The following ELF1 variants were observed in gnomAD, a reference collection of about 807,000 sequenced individuals.
The protein encoded by ELF1 is E74 like ETS transcription factor 1.
In ELF1, 24 loss-of-function variants were observed where a neutral mutation model predicts 59.9. That is an observed-to-expected ratio of 0.40 (90% confidence interval 0.29 to 0.56). The LOEUF (loss-of-function observed/expected upper bound fraction) is 0.56. Among genes scored for constraint, ELF1 ranks in the 20% least tolerant of loss-of-function variants. The pLI, the probability that ELF1 is intolerant of heterozygous loss-of-function variation, is 0.44. For missense variants in ELF1, 627 were observed against 742.2 expected (o/e 0.84, Z 1.80); for synonymous variants, 248 against 266.2 (o/e 0.93, Z 0.67).
At chr13:40,979,136 T>G (rs1239664644) in intron 2 of ELF1, among the ~76,000 whole-genome samples, 2 of 151,970 alleles carry the variant, frequency 1.3e-5, no homozygotes, top group Non-Finnish European at 2.9e-5. Context: ...AAAGAATATT[T>G]GTATTTATAT....
At chr13:41,057,055 C>T (rs1877311014) in intron 1 of ELF1, among the ~76,000 whole-genome samples, 1 of 151,866 alleles carries the variant, frequency 6.6e-6, no homozygotes, top group African/African-American at 2.4e-5. Context: ...ATAAGGTCTT[C>T]GGATTTTAGC....
intron 2 of ELF1, among the ~76,000 whole-genome samples, chr13:40,981,329 T>G (rs928868548): frequency 6.6e-6 from 1 of 152,042 alleles, no homozygotes; most frequent in Non-Finnish European, 1.5e-5. Flanking sequence ...TTCCAGTTCT[T>G]TTGTGTGTGT....
chr13:40,971,137 T>C (rs772170127), intron 2 of ELF1, among the ~76,000 whole-genome samples: 1 of 152,236 alleles, frequency 6.6e-6, no homozygotes, highest in Non-Finnish European at 1.5e-5. Context: ...AATTTATTAC[T>C]AAGTCATAAT....
At chr13:40,981,685 A>G (rs919660673) in intron 2 of ELF1, among the ~76,000 whole-genome samples, 13 of 152,146 alleles carry the variant, frequency 8.5e-5, no homozygotes, top group Non-Finnish European at 1.0e-4. Context: ...GAACTTTTCA[A>G]AGTACTTAAA....
intron 1 of ELF1, among the ~76,000 whole-genome samples, chr13:40,994,549 A>T (rs547286858): frequency 5.3e-5 from 8 of 152,260 alleles, no homozygotes; most frequent in African/African-American, 1.9e-4. Flanking sequence ...AGGCCGAGGC[A>T]CGAGAATCAC....
intron 1 of ELF1, among the ~76,000 whole-genome samples, chr13:41,040,815 A>G (rs555326877): frequency 1.3e-5 from 2 of 152,282 alleles, no homozygotes; most frequent in South Asian, 2.1e-4. Context: ...CAAAGAGTTA[A>G]CAGTACTTAC....
At chr13:41,000,212 C>T (rs2138331241) in intron 1 of ELF1, among the ~76,000 whole-genome samples, 1 of 143,774 alleles carries the variant, frequency 7.0e-6, no homozygotes, top group South Asian at 2.2e-4. Context: ...AATTAGTTGA[C>T]CAAATGAGGC....
chr13:40,993,292 G>A, intron 1 of ELF1: 1 of 1,560,890 alleles, frequency 6.4e-7, no homozygotes, highest in Non-Finnish European at 8.8e-7. Flanking sequence ...TTGAGACACA[G>A]CAGGTGTTCC....
intron 2 of ELF1, among the ~76,000 whole-genome samples, chr13:40,965,676 A>G (rs1481739097): frequency 1.3e-5 from 2 of 152,174 alleles, no homozygotes; most frequent in Non-Finnish European, 2.9e-5. Flanking sequence ...CTTAACAAAA[A>G]CATTACATTC....
At chr13:41,058,564 T>G (rs1877371338) in intron 1 of ELF1, among the ~76,000 whole-genome samples, 1 of 152,242 alleles carries the variant, frequency 6.6e-6, no homozygotes, top group Non-Finnish European at 1.5e-5. Flanking sequence ...TGCAACTACT[T>G]CCTTTGTGTT....
At chr13:41,035,825 C>T (rs917266380) in intron 1 of ELF1, among the ~76,000 whole-genome samples, 16 of 148,868 alleles carry the variant, frequency 1.1e-4, no homozygotes, top group African/African-American at 4.0e-4. Flanking sequence ...TTACTTAACA[C>T]AACTTCTTGT....
intron 1 of ELF1, among the ~76,000 whole-genome samples, chr13:41,053,908 G>A (rs573836720): frequency 9.9e-5 from 15 of 152,184 alleles, no homozygotes; most frequent in Middle Eastern, 3.4e-3. Context: ...AAAACGTAGA[G>A]AACTTTTAAC....
At chr13:41,035,907 T>TTC (rs1876360848) in intron 1 of ELF1, among the ~76,000 whole-genome samples, 1 of 147,786 alleles carries the variant, frequency 6.8e-6, no homozygotes, top group Non-Finnish European at 1.5e-5. Context: ...CTTTTTTTCT[T>TTC]TTTTTTTTTT....
intron 1 of ELF1, among the ~76,000 whole-genome samples, chr13:41,031,629 C>G (rs769837732): frequency 2.0e-5 from 3 of 151,534 alleles, no homozygotes; most frequent in Non-Finnish European, 2.9e-5. Flanking sequence ...ACCAGCCTGG[C>G]CAAGATGGTG....
intron 1 of ELF1, among the ~76,000 whole-genome samples, chr13:41,025,127 C>G (rs994442817): frequency 6.7e-6 from 1 of 150,252 alleles, no homozygotes; most frequent in African/African-American, 2.5e-5. Flanking sequence ...TTTAATTTCC[C>G]TAACTTTTCC....
Position 40,949,915 on chromosome 13 carries a change from C to T in ELF1, c.420G>A (p.Val140=). Residue 140 remains valine (V), a synonymous_variant, in exon 5 of 9, where the codon GTG becomes GTA. Transcript: ENST00000239882. ...DDMVVAPVTH[V]SVTLDGIPEV... Reference sequence around the variant, plus strand: ...CAGGAATCCCATCTAATGTGACGGACACATGGGTGACTGGGGCAACAACCA... The same window carrying T: ...CAGGAATCCCATCTAATGTGACGGATACATGGGTGACTGGGGCAACAACCA... The T allele has an allele frequency of 6.2e-7, 1 of 1,613,994 alleles. No homozygotes were observed. Among genetic ancestry groups the T allele is most frequent in the African/African-American group, 1.3e-5 (1 of 75,008 alleles).
Position 40,933,498 on chromosome 13 carries a change from A to G in ELF1, c.1787T>C (p.Val596Ala). ...AGAAGTAAATCCATTGGAACTGGAC[A>G]CTACCATCACATAAGGCTGTGGCTG... ...EQQPQPYVMV[V>A]SSSNGFTSQV... is the part of the protein sequence containing the mutation. The change falls in exon 9 of 9, where the codon GTG (valine) becomes GCG (alanine). Residue 596 changes from valine (V) to alanine (A), a missense_variant. Around this residue, in one of 3 missense-constraint regions of ELF1, gnomAD observed 361 missense variants for 396.1 expected, o/e 0.91. Coordinates refer to ENST00000239882, the MANE Select transcript of ELF1 (RefSeq NM_172373.4). 6.2e-7 allele frequency: 1 copy of G among 1,614,260 alleles called. No homozygotes were observed. Among genetic ancestry groups the G allele is most frequent in the South Asian group, 1.1e-5 (1 of 91,088 alleles).
intron 1 of ELF1, among the ~76,000 whole-genome samples, chr13:41,060,149 C>T (rs966998776): frequency 6.6e-6 from 1 of 152,176 alleles, no homozygotes; most frequent in African/African-American, 2.4e-5. Flanking sequence ...AGCGCACACG[C>T]GGCGGAAAGG....
chr13:40,954,278 A>G (rs1871053899), intron 3 of ELF1, among the ~76,000 whole-genome samples: 1 of 152,196 alleles, frequency 6.6e-6, no homozygotes, highest in Admixed American at 6.5e-5. Flanking sequence ...TCCCCGCTCC[A>G]AATCTCATGT....
Sources: gnomAD v4.1 joint callset for allele counts (sites outside exome capture counted in the v4.1 genomes callset) on GRCh38, gnomAD v4.1.1 for gene constraint, gnomAD v4.1.1 regional missense constraint, MANE v1.5 for transcripts, NCBI Gene and HGNC (gene_info 2026-07-23, HGNC 2026-07-21) for gene names.